Variants in ZNF804A observed in about 807,000 individuals in gnomAD.
ZNF804A encodes zinc finger protein 804A.
Under a neutral mutation model 16.5 loss-of-function variants are expected in ZNF804A, and 2 were observed. The observed-to-expected ratio is 0.12, with a 90% CI of 0.05 to 0.38. The LOEUF is 0.38. Ranked by LOEUF, ZNF804A falls within the 10% of genes least tolerant of loss-of-function variation. The pLI, the probability that ZNF804A is intolerant of heterozygous loss-of-function variation, is 0.99. For missense variants in ZNF804A, 1,473 were observed against 1,390.7 expected (o/e 1.06, Z -0.94); for synonymous variants, 534 against 489.6 (o/e 1.09, Z -1.20).
intron 1 of ZNF804A, among the ~76,000 whole-genome samples, chr2:184,782,500 C>T (rs1285753112): frequency 6.6e-6 from 1 of 151,494 alleles, no homozygotes; most frequent in African/African-American, 2.4e-5. Flanking sequence ...GCCTTTTGGA[C>T]TACATGTTTC....
chr2:184,834,924 A>C (rs922991991), intron 1 of ZNF804A, among the ~76,000 whole-genome samples: 1 of 152,164 alleles, frequency 6.6e-6, no homozygotes, highest in Non-Finnish European at 1.5e-5. Context: ...TATTTTCATG[A>C]AAGTTATGAA....
rs370374059 is a variant in ZNF804A at position 184,939,077 on chromosome 2, C to T, written c.*51C>T. The T allele has an allele frequency of 6.3e-7, 1 of 1,577,030 alleles. No individual in the cohort carries two copies. The highest frequency in any genetic ancestry group is 8.6e-7 in the Non-Finnish European group (1 of 1,158,816). Reference sequence around the variant, plus strand: ...CTCTTGTGAAAACTATTGCTATATGCGTTAAGTGTTCATCTATGTGGGTAC... The same window carrying T: ...CTCTTGTGAAAACTATTGCTATATGTGTTAAGTGTTCATCTATGTGGGTAC... On this transcript the variant is annotated 3_prime_UTR_variant, in exon 4 of 4. Coordinates refer to ENST00000302277, the MANE Select transcript of ZNF804A (RefSeq NM_194250.2).
intron 1 of ZNF804A, among the ~76,000 whole-genome samples, chr2:184,741,079 C>T (rs1194893837): frequency 3.3e-5 from 5 of 152,028 alleles, no homozygotes; most frequent in East Asian, 1.9e-4. Flanking sequence ...ATTGTAAGTT[C>T]GAGTCTCCAA....
chr2:184,913,311 A>T (rs1384916774), intron 2 of ZNF804A, among the ~76,000 whole-genome samples: 2 of 152,144 alleles, frequency 1.3e-5, no homozygotes, highest in African/African-American at 4.8e-5. Context: ...TTAAAATACA[A>T]TTATACTGAC....
At chr2:184,644,987 A>G (rs968606340) in intron 1 of ZNF804A, among the ~76,000 whole-genome samples, 1 of 151,906 alleles carries the variant, frequency 6.6e-6, no homozygotes, top group African/African-American at 2.4e-5. Flanking sequence ...TTTTTCATAT[A>G]TTTGGCTTCA....
intron 1 of ZNF804A, among the ~76,000 whole-genome samples, chr2:184,821,113 A>C (rs1695072117): frequency 6.6e-6 from 1 of 152,278 alleles, no homozygotes; most frequent in South Asian, 2.1e-4. Context: ...AGCCAAGACA[A>C]TCCTAAGCAA....
At chr2:184,780,852 C>T (rs116511207) in intron 1 of ZNF804A, among the ~76,000 whole-genome samples, 50 of 151,812 alleles carry the variant, frequency 3.3e-4, no homozygotes, top group African/African-American at 1.2e-3. Flanking sequence ...TGGCTCTGTC[C>T]TTAACTTCAG....
chr2:184,749,715 G>A (rs1303439845), intron 1 of ZNF804A, among the ~76,000 whole-genome samples: 2 of 151,226 alleles, frequency 1.3e-5, no homozygotes, highest in African/African-American at 2.4e-5. Context: ...TTTTTTGGAT[G>A]TAAGAAATGA....
chr2:184,614,941 G>A lies in ZNF804A; in HGVS notation c.111+15871G>A, dbSNP rs954970221. On this transcript the variant is annotated intron_variant, in intron 1 of 3. Coordinates refer to ENST00000302277, the MANE Select transcript of ZNF804A (RefSeq NM_194250.2). Reference sequence around the variant, plus strand: ...GAAAACTTTTACACTGTTGGTGGGAGTGTAAATTAGTTCAACTATTGTGAA... The same window carrying A: ...GAAAACTTTTACACTGTTGGTGGGAATGTAAATTAGTTCAACTATTGTGAA... 4.6e-5 allele frequency among the ~76,000 whole-genome samples: 7 copies of A among 152,162 alleles called. 1 individual carries two copies. The highest frequency in any genetic ancestry group is 8.8e-5 in the Non-Finnish European group (6 of 68,016).
intron 2 of ZNF804A, among the ~76,000 whole-genome samples, chr2:184,879,866 T>C (rs1684781478): frequency 6.6e-6 from 1 of 152,100 alleles, no homozygotes; most frequent in African/African-American, 2.4e-5. Flanking sequence ...AGACAACTAT[T>C]CACTATGTAT....
intron 1 of ZNF804A, among the ~76,000 whole-genome samples, chr2:184,747,836 G>C (rs183432871): frequency 2.8e-4 from 42 of 151,172 alleles, no homozygotes; most frequent in Admixed American, 1.7e-3. Flanking sequence ...CACAGTGTCT[G>C]TTTTTCCTAT....
At position 184,935,935 on chromosome 2, in the gene ZNF804A, C is replaced by T; in HGVS notation, c.539C>T (p.Ala180Val). The T allele has an allele frequency of 6.2e-7, 1 of 1,613,870 alleles. No individual in the cohort carries two copies. The highest frequency in any genetic ancestry group is 8.5e-7 in the Non-Finnish European group (1 of 1,179,882). The change falls in exon 4 of 4, where the codon GCT becomes GTT. Residue 180 changes from alanine to valine, a missense_variant. Coordinates refer to ENST00000302277, the MANE Select transcript of ZNF804A (RefSeq NM_194250.2). ...LIHSEENTKD[A>V]TTVAEDPESA... ...CATAGTGAAGAGAATACTAAAGATG[C>T]TACCACTGTTGCTGAAGATCCAGAA...
At chr2:184,652,275 A>C (rs1691998503) in intron 1 of ZNF804A, among the ~76,000 whole-genome samples, 1 of 152,076 alleles carries the variant, frequency 6.6e-6, no homozygotes, top group Admixed American at 6.6e-5. Flanking sequence ...AATAGAAACC[A>C]GGAACCACTA....
At chr2:184,703,533 C>CA (rs1403950503) in intron 1 of ZNF804A, among the ~76,000 whole-genome samples, 2 of 151,024 alleles carry the variant, frequency 1.3e-5, no homozygotes, top group East Asian at 2.0e-4. Flanking sequence ...TACTAAAACA[C>CA]AAAAAAATTA....
chr2:184,828,253 C>T (rs1282062776), intron 1 of ZNF804A, among the ~76,000 whole-genome samples: 1 of 151,722 alleles, frequency 6.6e-6, no homozygotes, highest in Non-Finnish European at 1.5e-5. Flanking sequence ...TAGTAAACAA[C>T]TGAATGATTT....
chr2:184,688,275 T>C (rs139762969), intron 1 of ZNF804A, among the ~76,000 whole-genome samples: 327 of 152,232 alleles, frequency 2.1e-3, no homozygotes, highest in Middle Eastern at 6.8e-3. Flanking sequence ...CTTAGGATAC[T>C]GGGCAGGATT....
intron 1 of ZNF804A, among the ~76,000 whole-genome samples, chr2:184,621,342 C>T (rs531593971): frequency 6.6e-6 from 1 of 151,604 alleles, no homozygotes; most frequent in Non-Finnish European, 1.5e-5. Flanking sequence ...TTTCCCATTA[C>T]CAGCACTTGT....
At chr2:184,781,220 A>G (rs188629533) in intron 1 of ZNF804A, among the ~76,000 whole-genome samples, 2 of 151,778 alleles carry the variant, frequency 1.3e-5, no homozygotes, top group Admixed American at 6.6e-5. Flanking sequence ...GCACAAATTT[A>G]TCTTAGTAAT....
At chr2:184,911,485 A>G (rs1440889562) in intron 2 of ZNF804A, among the ~76,000 whole-genome samples, 1 of 151,986 alleles carries the variant, frequency 6.6e-6, no homozygotes, top group East Asian at 1.9e-4. Context: ...ATTTTAGAAT[A>G]GTATTTCTAA....
Sources: allele counts gnomAD v4.1 joint callset (sites outside exome capture counted in the v4.1 genomes callset), GRCh38; gene constraint gnomAD v4.1.1; transcripts MANE v1.5; gene names NCBI Gene and HGNC (gene_info 2026-07-23, HGNC 2026-07-21).